Variants in HECW1 observed in about 807,000 individuals in gnomAD.
HECW1 encodes the protein E3 ubiquitin-protein ligase HECW1.
In HECW1, 61 loss-of-function variants were observed where a neutral mutation model predicts 182.3. The ratio of observed to expected loss-of-function variants is 0.33; its 90% CI spans 0.27 to 0.41. The LOEUF (loss-of-function observed/expected upper bound fraction) is 0.41, where lower values mean the gene tolerates loss of function less well. HECW1 is among the 10% of genes least tolerant of loss of function. The pLI is 1.00. For missense variants in HECW1, 1,739 were observed against 2,108.9 expected (o/e 0.82, Z 3.44); for synonymous variants, 859 against 832.6 (o/e 1.03, Z -0.55).
chr7:43,422,665 G>A (rs1261312663), intron 8 of HECW1, among the ~76,000 whole-genome samples: 2 of 151,980 alleles, frequency 1.3e-5, no homozygotes, highest in South Asian at 2.1e-4. Context: ...CACAGCACCC[G>A]GCCTTTAGAG....
At chr7:43,474,622 G>A (rs2078152542) in intron 16 of HECW1, among the ~76,000 whole-genome samples, 1 of 152,004 alleles carries the variant, frequency 6.6e-6, no homozygotes, top group South Asian at 2.1e-4. Context: ...AAGACATACA[G>A]TCGTAGTAGG....
intron 17 of HECW1, among the ~76,000 whole-genome samples, chr7:43,484,945 C>T (rs1016383272): frequency 2.0e-5 from 3 of 152,074 alleles, no homozygotes; most frequent in African/African-American, 2.4e-5. Context: ...AAGGAAATCA[C>T]GAAAGGGTAA....
At chr7:43,318,416 G>A (rs1809613978) in intron 4 of HECW1, among the ~76,000 whole-genome samples, 2 of 152,288 alleles carry the variant, frequency 1.3e-5, no homozygotes, top group South Asian at 2.1e-4. Flanking sequence ...AAAAAGACAG[G>A]CAAATTTTGC....
intron 2 of HECW1, among the ~76,000 whole-genome samples, chr7:43,150,623 C>T (rs1001949277): frequency 6.6e-6 from 1 of 152,244 alleles, no homozygotes. Flanking sequence ...AAGTGATCCA[C>T]CTGCCTTGGC....
At chr7:43,461,031 C>T (rs568777804) in intron 13 of HECW1, among the ~76,000 whole-genome samples, 1 of 152,348 alleles carries the variant, frequency 6.6e-6, no homozygotes, top group African/African-American at 2.4e-5. Flanking sequence ...GAGGCTACAA[C>T]TTGACATTTG....
chr7:43,510,302 T>G (rs1284287604), intron 24 of HECW1: 1 of 152,246 alleles, frequency 6.6e-6, no homozygotes, highest in Non-Finnish European at 1.5e-5. Flanking sequence ...ATCCCTCAAC[T>G]AGCTCTTAGT....
chr7:43,541,313 G>A lies in HECW1; in HGVS notation c.4118+52G>A, dbSNP rs536950580. 6.4e-5 allele frequency: 87 copies of A among 1,360,596 alleles called. 1 individual carries two copies. The South Asian group carries it at 6.6e-4, about 10-fold the overall frequency. 84.3% of individuals were successfully genotyped at this position (1,360,596 alleles called of 1,614,324 possible). On this transcript the variant is annotated intron_variant, in intron 25 of 29. Transcript: ENST00000395891. ...AACCCAGCCCTGTCTGCAGGGCAAG[G>A]ACACCGACCTCTCTGGTGCCACTGA...
intron 2 of HECW1, among the ~76,000 whole-genome samples, chr7:43,240,911 G>A (rs1320145006): frequency 6.6e-6 from 1 of 152,178 alleles, no homozygotes; most frequent in African/African-American, 2.4e-5. Context: ...CCCTCCCCAC[G>A]TGACTTCCTG....
At chr7:43,396,183 A>G (rs1168097252) in intron 6 of HECW1, among the ~76,000 whole-genome samples, 1 of 152,246 alleles carries the variant, frequency 6.6e-6, no homozygotes, top group Non-Finnish European at 1.5e-5. Flanking sequence ...ATTACTAAAT[A>G]TTGAGCAATG....
In HECW1 at chr7:43,554,511, T is replaced by C. The variant is rs1443022898; in HGVS notation, c.4511-81T>C. On this transcript the variant is annotated intron_variant, in intron 28 of 29. Coordinates refer to ENST00000395891, the MANE Select transcript of HECW1 (RefSeq NM_015052.5). ...GCGGTTCCGTTCCTATCATACCTGA[T>C]GTGTTTGATCTCTCTCTCCCTCCTC... is the stretch of plus-strand genomic sequence containing the variant. The C allele has an allele frequency of 5.1e-6, 6 of 1,187,420 alleles. No individual in the cohort carries two copies. The Admixed American group carries it at 1.2e-4, about 24-fold the overall frequency. The allele number at this position is 1,187,420 out of a possible 1,614,324, so 73.6% of individuals were successfully genotyped here.
At chr7:43,305,887 A>G (rs1323086958) in intron 3 of HECW1, among the ~76,000 whole-genome samples, 5 of 152,044 alleles carry the variant, frequency 3.3e-5, no homozygotes, top group South Asian at 2.1e-4. Flanking sequence ...CAGCCTCCCA[A>G]GTAGCTGGGA....
At chr7:43,377,858 T>G (rs1301154091) in intron 6 of HECW1, 2 of 196,842 alleles carry the variant, frequency 1.0e-5, no homozygotes, top group Non-Finnish European at 1.1e-5. Flanking sequence ...ATGGATAATT[T>G]CCCTGCCTGC....
chr7:43,221,369 G>A (rs1253975180), intron 2 of HECW1, among the ~76,000 whole-genome samples: 1 of 151,906 alleles, frequency 6.6e-6, no homozygotes, highest in Non-Finnish European at 1.5e-5. Flanking sequence ...GATGAAATAT[G>A]TACCAATCAA....
Position 43,501,336 on chromosome 7 carries a change from G to A in HECW1, c.3631+14G>A, listed in dbSNP as rs779534294. On this transcript the variant is annotated intron_variant, in intron 21 of 29. Transcript: ENST00000395891. ...AGAACTCCCCAGGTAACAGGAATCT[G>A]GCCTAATAGCTCCTGTTAAGTGGCC... 7.5e-6 allele frequency: 11 copies of A among 1,464,578 alleles called. No homozygotes were observed. Among genetic ancestry groups the A allele is most frequent in the Non-Finnish European group, 9.5e-6 (10 of 1,047,216 alleles). The allele number at this position is 1,464,578 out of a possible 1,614,324, so 90.7% of individuals were successfully genotyped here.
At chr7:43,237,163 AGGTAG>A (rs1798449682) in intron 2 of HECW1, among the ~76,000 whole-genome samples, 1 of 127,076 alleles carries the variant, frequency 7.9e-6, no homozygotes, top group Non-Finnish European at 1.7e-5. Flanking sequence ...GTAGGTAGGT[AGGTAG>A]GTAGGTAGGT....
At chr7:43,335,665 A>G (rs1213987079) in intron 5 of HECW1, among the ~76,000 whole-genome samples, 2 of 152,124 alleles carry the variant, frequency 1.3e-5, no homozygotes, top group East Asian at 3.9e-4. Flanking sequence ...AATTCTTACA[A>G]TATTTGGAAT....
intron 2 of HECW1, among the ~76,000 whole-genome samples, chr7:43,177,971 T>G (rs1792423295): frequency 1.3e-5 from 2 of 152,312 alleles, no homozygotes; most frequent in African/African-American, 4.8e-5. Flanking sequence ...TTTTCAGACA[T>G]CTGTTTGATC....
At chr7:43,208,985 C>T (rs1484719430) in intron 2 of HECW1, among the ~76,000 whole-genome samples, 1 of 152,176 alleles carries the variant, frequency 6.6e-6, no homozygotes, top group African/African-American at 2.4e-5. Context: ...TTGCTTCATT[C>T]CTGGCACCTC....
chr7:43,261,734 G>C (rs1469048783), intron 3 of HECW1, among the ~76,000 whole-genome samples: 1 of 152,150 alleles, frequency 6.6e-6, no homozygotes, highest in African/African-American at 2.4e-5. Flanking sequence ...AGATTTCAGT[G>C]GTTGCTGAAT....
Sources: allele counts gnomAD v4.1 joint callset (sites outside exome capture counted in the v4.1 genomes callset), GRCh38; gene constraint gnomAD v4.1.1; transcripts MANE v1.5; gene names NCBI Gene and HGNC (gene_info 2026-07-23, HGNC 2026-07-21).